The following SLC7A2 variants were observed in gnomAD, a reference collection of about 807,000 sequenced individuals.
SLC7A2 encodes the protein solute carrier family 7 member 2, also known as cationic amino acid transporter 2.
In SLC7A2, 48 loss-of-function variants were observed where a neutral mutation model predicts 58.9. That is an observed-to-expected ratio of 0.82 (90% confidence interval 0.65 to 1.04). The LOEUF is 1.04. Among genes scored for constraint, SLC7A2 ranks in the 50% least tolerant of loss-of-function variants. The pLI, the probability that SLC7A2 is intolerant of heterozygous loss-of-function variation, is 0.00. For missense variants in SLC7A2, 1,029 were observed against 818.8 expected (o/e 1.26, Z -3.13); for synonymous variants, 363 against 314.5 (o/e 1.15, Z -1.63).
rs761865848 is a variant in SLC7A2 at position 17,563,635 on chromosome 8, C to T, written c.1704C>T (p.Ser568=). The T allele has an allele frequency of 6.2e-7, 1 of 1,613,240 alleles. No homozygotes were observed. The highest frequency in any genetic ancestry group is 8.5e-7 in the Non-Finnish European group (1 of 1,179,380). Residue 568 remains serine (S), a synonymous_variant, in exon 12 of 13, where the codon AGC becomes AGT. Coordinates refer to ENST00000494857, the MANE Select transcript of SLC7A2 (RefSeq NM_001370338.1). ...TCTTACCATTTTTGCCAGCGTTCAG[C>T]ATCTTGGTGAACATTTACTTGATGG... ...VPFLPFLPAF[S]ILVNIYLMVQ... is the part of the protein sequence containing the mutation.
At chr8:17,502,935 A>G (rs1410729026) in intron 2 of SLC7A2, among the ~76,000 whole-genome samples, 2 of 151,894 alleles carry the variant, frequency 1.3e-5, no homozygotes, top group Non-Finnish European at 2.9e-5. Flanking sequence ...TAAAAATATT[A>G]TATAAGTTAA....
In SLC7A2 at chr8:17,560,348, A is replaced by G; in HGVS notation, c.1319A>G (p.Tyr440Cys). 1 of 1,614,056 alleles carries G rather than the reference A, an allele frequency of 6.2e-7. No individual in the cohort carries two copies. Among genetic ancestry groups the G allele is most frequent in the South Asian group, 1.1e-5 (1 of 91,080 alleles). ...LILRYQPGLSYDQPKCSPEKD... is the reference protein window; with the variant it reads ...LILRYQPGLSCDQPKCSPEKD... ...AATAGGTACCAGCCTGGCTTATCTT[A>G]CGACCAGCCCAAATGTTCTCCTGAG... The change falls in exon 10 of 13, where the codon TAC becomes TGC. Residue 440 changes from tyrosine to cysteine, a missense_variant. Tyr to Cys is a radical substitution (Grantham distance 194, BLOSUM62 -2). Coordinates refer to ENST00000494857, the MANE Select transcript of SLC7A2 (RefSeq NM_001370338.1).
rs568214008 is a variant in SLC7A2 at position 17,543,705 on chromosome 8, G to A, written c.366G>A (p.Ser122=). The change falls in exon 3 of 13, where the codon TCG becomes TCA. Residue 122 remains serine, a synonymous_variant. Coordinates refer to ENST00000494857, the MANE Select transcript of SLC7A2 (RefSeq NM_001370338.1). ...TCACTGGCTGGAATCTCATTTTATCGTATGTGATAGGTATGTTTCAAAAAG... is the reference window on the plus strand; with the variant it reads ...TCACTGGCTGGAATCTCATTTTATCATATGTGATAGGTATGTTTCAAAAAG... ...AFITGWNLIL[S]YVIGTSSVAR... The A allele has an allele frequency of 1.6e-5, 24 of 1,518,318 alleles. No individual in the cohort carries two copies. Among genetic ancestry groups the A allele is most frequent in the African/African-American group, 4.2e-5 (3 of 71,758 alleles). 94.1% of individuals were successfully genotyped at this position (1,518,318 alleles called of 1,614,324 possible).
chr8:17,529,918 A>G (rs1345356949), intron 2 of SLC7A2, among the ~76,000 whole-genome samples: 1 of 152,156 alleles, frequency 6.6e-6, no homozygotes, highest in Admixed American at 6.6e-5. Context: ...TGGTGGGTGC[A>G]GAAGTAATTG....
chr8:17,535,819 C>G (rs1368641905), intron 2 of SLC7A2, among the ~76,000 whole-genome samples: 1 of 152,130 alleles, frequency 6.6e-6, no homozygotes, highest in Non-Finnish European at 1.5e-5. Flanking sequence ...AGGAGAATCG[C>G]TTGAACCCGG....
At chr8:17,554,519 A>G (rs1235688078) in intron 7 of SLC7A2, 41 bp from the exon 8 acceptor site, 4 of 1,506,308 alleles carry the variant, frequency 2.7e-6, no homozygotes, top group Non-Finnish European at 2.7e-6. Flanking sequence ...GTAATCTTGC[A>G]TGAATGTTTG....
chr8:17,548,896 A>G (rs1451735406), intron 5 of SLC7A2, 53 bp downstream of exon 5: 18 of 1,447,878 alleles, frequency 1.2e-5, no homozygotes, highest in Non-Finnish European at 1.7e-5. Flanking sequence ...AAAATATTTT[A>G]AGTGGGTGTA....
chr8:17,528,735 A>T (rs1207378337), intron 2 of SLC7A2, among the ~76,000 whole-genome samples: 5 of 152,186 alleles, frequency 3.3e-5, no homozygotes, highest in Non-Finnish European at 5.9e-5. Context: ...ATATATTTAT[A>T]TGAGGGGAGA....
At chr8:17,496,514 C>T (rs1055589830), upstream of SLC7A2, among the ~76,000 whole-genome samples, 1 of 152,100 alleles carries the variant, frequency 6.6e-6, no homozygotes, top group Non-Finnish European at 1.5e-5. Flanking sequence ...GCTCTTGCTC[C>T]CCTGGAAATA....
chr8:17,550,846 G>T (rs1464925173), intron 6 of SLC7A2, among the ~76,000 whole-genome samples: 1 of 152,140 alleles, frequency 6.6e-6, no homozygotes, highest in African/African-American at 2.4e-5. Flanking sequence ...TATTGTGTCA[G>T]TTCTTTCTAT....
intron 2 of SLC7A2, among the ~76,000 whole-genome samples, chr8:17,523,445 C>T (rs1801097066): frequency 6.6e-6 from 1 of 152,116 alleles, no homozygotes; most frequent in African/African-American, 2.4e-5. Context: ...AATAGAGAAC[C>T]TAGAAATAAA....
chr8:17,541,863 T>C (rs1801926774), intron 2 of SLC7A2, among the ~76,000 whole-genome samples: 2 of 152,360 alleles, frequency 1.3e-5, no homozygotes, highest in Middle Eastern at 3.4e-3. Flanking sequence ...AATATATGCC[T>C]ATGTATTTTT....
At chr8:17,520,212 C>G (rs1800959127) in intron 2 of SLC7A2, among the ~76,000 whole-genome samples, 1 of 152,016 alleles carries the variant, frequency 6.6e-6, no homozygotes, top group African/African-American at 2.4e-5. Flanking sequence ...AAGGGAGAAA[C>G]TTTTTTATTG....
rs187522025 is a variant in SLC7A2 at position 17,530,199 on chromosome 8, G to A, written c.-22-13119G>A. ...CCCCCCTGCCCCCCATCCCCGGTCC[G>A]CCGCTGCTTCTTTGAGTCAGAAGGA... is the stretch of plus-strand genomic sequence containing the variant. On this transcript the variant is annotated intron_variant, in intron 2 of 12. Coordinates refer to ENST00000494857, the MANE Select transcript of SLC7A2 (RefSeq NM_001370338.1). Among the ~76,000 whole-genome samples the A allele has an allele frequency of 2.0e-4, 30 of 152,086 alleles. 1 individual carries two copies. In the East Asian group the frequency reaches 2.7e-3, roughly 14 times the overall value.
intron 4 of SLC7A2, among the ~76,000 whole-genome samples, chr8:17,545,183 C>T (rs1463444416): frequency 6.6e-6 from 1 of 152,112 alleles, no homozygotes; most frequent in Non-Finnish European, 1.5e-5. Flanking sequence ...CTAATAACCA[C>T]ATTTCAATCC....
chr8:17,498,955 T>C (rs1009612713), intron 1 of SLC7A2: 12 of 152,196 alleles, frequency 7.9e-5, no homozygotes, highest in Non-Finnish European at 1.5e-4. Context: ...CATTCTCATG[T>C]ATCTTTGCCT....
chr8:17,551,699 A>T, intron 6 of SLC7A2, 65 bp from the exon 7 acceptor site: 3 of 1,208,452 alleles, frequency 2.5e-6, no homozygotes, highest in Non-Finnish European at 3.7e-6. Context: ...AATTTCACAC[A>T]ATTTAATTTC....
chr8:17,510,789 A>G (rs181947780), intron 2 of SLC7A2: 6 of 152,296 alleles, frequency 3.9e-5, no homozygotes, highest in African/African-American at 1.4e-4. Context: ...CTACTAGGAA[A>G]ACACATCCAA....
chr8:17,530,848 A>C (rs1229416256), intron 2 of SLC7A2, among the ~76,000 whole-genome samples: 1 of 152,192 alleles, frequency 6.6e-6, no homozygotes, highest in Non-Finnish European at 1.5e-5. Context: ...CTGGTAGTAC[A>C]GGTGTGAGCT....
Sources: gnomAD v4.1 joint callset for allele counts (sites outside exome capture counted in the v4.1 genomes callset) on GRCh38, gnomAD v4.1.1 for gene constraint, MANE v1.5 for transcripts, NCBI Gene and HGNC (gene_info 2026-07-23, HGNC 2026-07-21) for gene names.